Variants in PALD1 observed in about 807,000 individuals in gnomAD.
PALD1 encodes phosphatase domain containing paladin 1, also known as paladin.
A neutral mutation model predicts 96.0 loss-of-function variants in PALD1; 57 were observed. The ratio of observed to expected loss-of-function variants is 0.59; its 90% CI spans 0.48 to 0.74. PALD1 has a LOEUF of 0.74. Ranked by LOEUF, PALD1 falls within the 30% of genes least tolerant of loss-of-function variation. The pLI, the probability that PALD1 is intolerant of heterozygous loss-of-function variation, is 0.00. For missense variants in PALD1, 1,063 were observed against 1,143.7 expected, an observed-to-expected ratio of 0.93 and a Z score of 1.02; for synonymous variants, 464 against 473.6, an observed-to-expected ratio of 0.98 and a Z score of 0.26.
At chr10:70,524,076 G>C (rs887876796) in intron 1 of PALD1, among the ~76,000 whole-genome samples, 1 of 152,176 alleles carries the variant, frequency 6.6e-6, no homozygotes, top group Non-Finnish European at 1.5e-5. Context: ...TGGGAGGGCT[G>C]GGGGGAGTGT....
chr10:70,468,632 C>G, the PALD1 span, among the ~76,000 whole-genome samples: 1 of 152,020 alleles, frequency 6.6e-6, no homozygotes, highest in African/African-American at 2.4e-5. Context: ...GGAGCCCCTG[C>G]CCAGGACTTC....
At chr10:70,534,588 G>T in intron 9 of PALD1, 64 bp downstream of exon 9, 1 of 1,272,904 alleles carries the variant, frequency 7.9e-7, no homozygotes, top group South Asian at 1.3e-5. Context: ...TCCTCTCACT[G>T]GTCGGGGCTC....
chr10:70,498,594 T>C (rs1014188184), intron 1 of PALD1, among the ~76,000 whole-genome samples: 1 of 152,074 alleles, frequency 6.6e-6, no homozygotes, highest in Admixed American at 6.5e-5. Context: ...TTGTTTTTTT[T>C]TTTTTGAGGC....
intron 10 of PALD1, among the ~76,000 whole-genome samples, chr10:70,537,432 G>C (rs1589206023): frequency 6.6e-6 from 1 of 152,232 alleles, no homozygotes; most frequent in East Asian, 1.9e-4. Context: ...GAGGGCCTCT[G>C]GCTCGGGGGT....
At chr10:70,519,077 GCCTCATCT>G (rs1846673999) in intron 1 of PALD1, among the ~76,000 whole-genome samples, 1 of 152,126 alleles carries the variant, frequency 6.6e-6, no homozygotes, top group African/African-American at 2.4e-5. Flanking sequence ...TGCCTCAGTT[GCCTCATCT>G]GTGGAAAGAG....
chr10:70,561,458 A>G (rs1379790707), intron 18 of PALD1, among the ~76,000 whole-genome samples: 1 of 152,178 alleles, frequency 6.6e-6, no homozygotes, highest in African/African-American at 2.4e-5. Context: ...GAGAGCGGCC[A>G]GTTGCATTGT....
intron 1 of PALD1, among the ~76,000 whole-genome samples, chr10:70,519,308 C>T (rs776400836): frequency 7.9e-5 from 12 of 152,062 alleles, no homozygotes; most frequent in Non-Finnish European, 1.3e-4. Context: ...TTAAAAACAA[C>T]GGAAATTTAT....
In PALD1 at chr10:70,538,921, G is replaced by C. The variant is rs145017915; in HGVS notation, c.1482G>C (p.Ala494=). The change falls in exon 13 of 20, where the codon GCG becomes GCC. Residue 494 remains alanine (A), a synonymous_variant. Coordinates refer to ENST00000263563, the MANE Select transcript of PALD1 (RefSeq NM_014431.3). ...LREDDLVSPD[A]LSTVREMDVA... is the part of the protein sequence containing the mutation. The stretch of plus-strand genomic sequence containing the variant: ...AGGACGATCTGGTCTCCCCGGACGC[G>C]CTCAGCACTGTCAGAGAGATGGATG... 1 of 1,613,678 alleles carries C rather than the reference G, an allele frequency of 6.2e-7. No individual in the cohort carries two copies. The highest frequency in any genetic ancestry group is 1.7e-5 in the Admixed American group (1 of 60,034).
At chr10:70,501,690 G>C (rs910323059) in intron 1 of PALD1, among the ~76,000 whole-genome samples, 6 of 114,246 alleles carry the variant, frequency 5.3e-5, no homozygotes, top group African/African-American at 1.7e-4. Flanking sequence ...GTTTACTGTA[G>C]GGAAATGAGA....
At chr10:70,544,164 A>G (rs1051128960) in intron 17 of PALD1, among the ~76,000 whole-genome samples, 1 of 152,194 alleles carries the variant, frequency 6.6e-6, no homozygotes, top group Non-Finnish European at 1.5e-5. Context: ...CAGCTGAGGG[A>G]GCCTGAGAGG....
At chr10:70,487,785 G>A (rs4747038) in intron 1 of PALD1, among the ~76,000 whole-genome samples, 138,764 of 152,246 alleles carry the variant, frequency 0.91, 63,829 homozygotes, top group East Asian at 1. Flanking sequence ...TTTGGTGAAT[G>A]TCGGTAAAAG....
chr10:70,477,232 G>C (rs1313346127), upstream of PALD1, among the ~76,000 whole-genome samples: 5 of 152,266 alleles, frequency 3.3e-5, no homozygotes, highest in East Asian at 9.7e-4. Flanking sequence ...TGTGGCCCAG[G>C]ATGGAGTCCT....
rs78436482 is a variant in PALD1, at chr10:70,534,329, G to C, written c.1023-96G>C. The C allele has an allele frequency of 8.1e-3, 6,911 of 850,752 alleles. 95 individuals are homozygous for C. The highest frequency in any genetic ancestry group is 0.047 in the Middle Eastern group (157 of 3,354). The allele number at this position is 850,752 out of a possible 1,614,324, so 52.7% of individuals were successfully genotyped here. On this transcript the variant is annotated intron_variant, in intron 8 of 19. Coordinates refer to ENST00000263563, the MANE Select transcript of PALD1 (RefSeq NM_014431.3). ...GTGATTCAGAAGGAACCTGTAGTCT[G>C]GTGTCCCCCAGCGGCCATATGAGTG...
chr10:70,497,400 G>A (rs540989023), intron 1 of PALD1, among the ~76,000 whole-genome samples: 24 of 152,280 alleles, frequency 1.6e-4, no homozygotes, highest in African/African-American at 5.8e-4. Context: ...CCAACTCCCT[G>A]ACCCGAGGTA....
intron 18 of PALD1, among the ~76,000 whole-genome samples, chr10:70,561,521 G>A (rs1267522279): frequency 6.6e-6 from 1 of 152,124 alleles, no homozygotes; most frequent in Admixed American, 6.5e-5. Flanking sequence ...TATTGGCTGC[G>A]GTTTATATTT....
chr10:70,545,572 A>G (rs887727113), intron 17 of PALD1, among the ~76,000 whole-genome samples: 1 of 152,186 alleles, frequency 6.6e-6, no homozygotes, highest in East Asian at 1.9e-4. Context: ...TCCCAGCAGT[A>G]AGGGGCAGAT....
chr10:70,467,237 G>T, the PALD1 span, among the ~76,000 whole-genome samples: 1 of 152,096 alleles, frequency 6.6e-6, no homozygotes, highest in South Asian at 2.1e-4. Flanking sequence ...GCTGGAGTTA[G>T]AATCACAGTT....
At chr10:70,467,370 G>C in the PALD1 span, among the ~76,000 whole-genome samples, 1 of 151,582 alleles carries the variant, frequency 6.6e-6, no homozygotes, top group Non-Finnish European at 1.5e-5. Context: ...GCAGTCCCCC[G>C]GGAGGAGGTA....
chr10:70,504,739 A>T (rs1465209807), intron 1 of PALD1, among the ~76,000 whole-genome samples: 1 of 152,230 alleles, frequency 6.6e-6, no homozygotes, highest in African/African-American at 2.4e-5. Context: ...CTGCCTCTGC[A>T]TTCAATCTAT....
Sources: allele counts gnomAD v4.1 joint callset (sites outside exome capture counted in the v4.1 genomes callset), GRCh38; gene constraint gnomAD v4.1.1; transcripts MANE v1.5; gene names NCBI Gene and HGNC (gene_info 2026-07-23, HGNC 2026-07-21).